The following PXDC1 variants were observed in gnomAD, a reference collection of about 807,000 sequenced individuals.
PXDC1 encodes PX domain-containing protein 1.
In PXDC1, 13 loss-of-function variants were observed where a neutral mutation model predicts 24.4. The observed-to-expected ratio is 0.53, with a 90% CI of 0.35 to 0.85. PXDC1 has a LOEUF of 0.85. PXDC1 is among the 40% of genes least tolerant of loss of function. PXDC1 has a pLI of 0.01. For missense variants in PXDC1, 344 were observed against 309.3 expected (o/e 1.11, Z -0.84); for synonymous variants, 162 against 124.9 (o/e 1.30, Z -1.98).
At chr6:3,739,320 G>A (rs927196143) in intron 1 of PXDC1, among the ~76,000 whole-genome samples, 3 of 152,234 alleles carry the variant, frequency 2.0e-5, no homozygotes, top group African/African-American at 7.2e-5. Flanking sequence ...CATAACGGGG[G>A]TCAGTGGGGA....
At chr6:3,726,722 T>C (rs140370578) in intron 4 of PXDC1, among the ~76,000 whole-genome samples, 1 of 152,306 alleles carries the variant, frequency 6.6e-6, no homozygotes, top group Non-Finnish European at 1.5e-5. Flanking sequence ...AGCAAATGCG[T>C]GGGGCAAGAC....
At chr6:3,723,929 G>A (rs941045293) in intron 4 of PXDC1, among the ~76,000 whole-genome samples, 193 bp from the exon 5 acceptor site, 1 of 152,238 alleles carries the variant, frequency 6.6e-6, no homozygotes, top group Non-Finnish European at 1.5e-5. Flanking sequence ...CTTGGAGACT[G>A]CTGTCTGCAT....
At chr6:3,748,122 C>G (rs975542345) in intron 1 of PXDC1, among the ~76,000 whole-genome samples, 1 of 151,992 alleles carries the variant, frequency 6.6e-6, no homozygotes. Flanking sequence ...TTCCTAGATG[C>G]GAGAGATGTA....
Position 3,725,451 on chromosome 6 carries a change from A to G in PXDC1, c.579-1715T>C, listed in dbSNP as rs1760041874. The stretch of plus-strand genomic sequence containing the variant: ...AGAAGTCCCCACTGGCCCCATCTCT[A>G]TCAGATACATCCATTCCCTGAGTGC... On this transcript the variant is annotated intron_variant, in intron 4 of 4. Coordinates refer to ENST00000380283, the MANE Select transcript of PXDC1 (RefSeq NM_183373.4). The surrounding 1 kb of genome is among the most constrained non-coding windows in gnomAD (Gnocchi z 4.8). Among the ~76,000 whole-genome samples the G allele has an allele frequency of 6.6e-6, 1 of 152,174 alleles. No individual in the cohort carries two copies. The highest frequency in any genetic ancestry group is 2.4e-5 in the African/African-American group (1 of 41,448).
intron 4 of PXDC1, 122 bp from the exon 5 acceptor site, chr6:3,723,858 A>G (rs1759997001): frequency 1.4e-6 from 1 of 724,394 alleles, no homozygotes; most frequent in East Asian, 2.6e-5. Flanking sequence ...AACCACGGCT[A>G]CAAATGAACT....
chr6:3,730,170 A>G (rs17137008), intron 3 of PXDC1, among the ~76,000 whole-genome samples: 15,284 of 152,124 alleles, frequency 0.1, 1,098 homozygotes, highest in African/African-American at 0.2. Flanking sequence ...TTAGACTCTC[A>G]CATTTCACTA....
intron 1 of PXDC1, among the ~76,000 whole-genome samples, chr6:3,747,786 G>A (rs1371374224): frequency 6.6e-6 from 1 of 152,128 alleles, no homozygotes; most frequent in Non-Finnish European, 1.5e-5. Context: ...GTTACTATTG[G>A]ATTTCTCCCA....
rs1365761074 is a variant in PXDC1, at chr6:3,739,127, G to A, written c.257-979C>T. The A allele has an allele frequency of 5.1e-6, 6 of 1,171,706 alleles. No homozygotes were observed. The South Asian group carries it at 8.5e-5, about 17-fold the overall frequency. The allele number at this position is 1,171,706 out of a possible 1,614,324, so 72.6% of individuals were successfully genotyped here. A position where few individuals can be genotyped will look rare whatever the true frequency, so the allele number is the denominator to read the frequency against. ...TCTGATTTTGTTTTGCAGGGGAAAAGCCTGTTCAGTTTTCAAGCAATTCGT... is the reference window on the plus strand; with the variant it reads ...TCTGATTTTGTTTTGCAGGGGAAAAACCTGTTCAGTTTTCAAGCAATTCGT... On this transcript the variant is annotated intron_variant, in intron 1 of 4. Coordinates refer to ENST00000380283, the MANE Select transcript of PXDC1 (RefSeq NM_183373.4).
chr6:3,751,369 G>C lies in PXDC1; in HGVS notation c.163C>G (p.Arg55Gly). ...WSDRSVLYLH[R>G]SLADLGRLWQ... ...AGGCGGCCCAGGTCCGCCAGGCTGC[G>C]GTGCAGGTAGAGCACGCTGCGGTCC... The change falls in exon 1 of 5, where the codon CGC becomes GGC. Residue 55 changes from arginine (R) to glycine (G), a missense_variant. Transcript: ENST00000380283. 1 of 1,562,028 alleles carries C rather than the reference G, an allele frequency of 6.4e-7. No individual in the cohort carries two copies.
intron 3 of PXDC1, among the ~76,000 whole-genome samples, chr6:3,736,737 G>C (rs7762522): frequency 6.6e-6 from 1 of 152,222 alleles, no homozygotes; most frequent in Non-Finnish European, 1.5e-5. Context: ...TCAATGCCAC[G>C]TGACATGGGC....
At chr6:3,726,705 G>C (rs1760076309) in intron 4 of PXDC1, among the ~76,000 whole-genome samples, 1 of 152,244 alleles carries the variant, frequency 6.6e-6, no homozygotes, top group Admixed American at 6.5e-5. Flanking sequence ...TGCTGCTATG[G>C]AGGGCTAGCA....
At chr6:3,749,803 T>C (rs3887835) in intron 1 of PXDC1, among the ~76,000 whole-genome samples, 1 of 152,128 alleles carries the variant, frequency 6.6e-6, no homozygotes, top group African/African-American at 2.4e-5. Context: ...CCAGCCTGCC[T>C]GGGGTCACGG....
intron 1 of PXDC1, among the ~76,000 whole-genome samples, chr6:3,750,697 G>A (rs1224665198): frequency 6.6e-6 from 1 of 152,156 alleles, no homozygotes; most frequent in Non-Finnish European, 1.5e-5. Flanking sequence ...GGGTGCGGGG[G>A]GGCCCTGGCT....
Position 3,724,027 on chromosome 6 carries a change from C to T in PXDC1, c.579-291G>A, listed in dbSNP as rs147963146. On this transcript the variant is annotated intron_variant, in intron 4 of 4. Coordinates refer to ENST00000380283, the MANE Select transcript of PXDC1 (RefSeq NM_183373.4). This position sits in a 1 kb window ranked among gnomAD's most constrained non-coding sequence, Gnocchi z 4.5. Reference sequence around the variant, plus strand: ...ACCTCTTGTTCTGTGCCCAGCACCGCGTCAGGCTGTGGGATCAGCAGTGAA... The same window carrying T: ...ACCTCTTGTTCTGTGCCCAGCACCGTGTCAGGCTGTGGGATCAGCAGTGAA... Among the ~76,000 whole-genome samples the T allele has an allele frequency of 4.6e-5, 7 of 152,310 alleles. No homozygotes were observed. The highest frequency in any genetic ancestry group is 2.1e-4 in the South Asian group (1 of 4,830).
intron 3 of PXDC1, 85 bp from the exon 4 acceptor site, chr6:3,727,747 C>A: frequency 1.2e-6 from 1 of 832,696 alleles, no homozygotes. Context: ...CATCTCCCTG[C>A]TTTCTCCTCC....
In PXDC1 at chr6:3,727,556, C is replaced by G. The variant is rs773829554; in HGVS notation, c.573G>C (p.Glu191Asp). The change falls in exon 4 of 5, where the codon GAG (glutamate) becomes GAC (aspartate). Residue 191 changes from glutamate (E) to aspartate (D), a missense_variant. Transcript: ENST00000380283. The stretch of plus-strand genomic sequence containing the variant: ...ATTCAAATCAGCATACTTACAAATG[C>G]TCTGTTGGGTCCACGCCCAGCTGCT... ...RDQQLGVDPT[E>D]HLFENGSEFP... 3 of 1,596,760 alleles carry G rather than the reference C, an allele frequency of 1.9e-6. No individual in the cohort carries two copies. The highest frequency in any genetic ancestry group is 2.6e-6 in the Non-Finnish European group (3 of 1,164,290).
Position 3,725,822 on chromosome 6 carries a change from G to A in PXDC1, c.578+1729C>T, listed in dbSNP as rs1469355715. Among the ~76,000 whole-genome samples, 1 of 152,220 alleles carries A rather than the reference G, an allele frequency of 6.6e-6. No individual in the cohort carries two copies. The highest frequency in any genetic ancestry group is 2.4e-5 in the African/African-American group (1 of 41,458). On this transcript the variant is annotated intron_variant, in intron 4 of 4. Coordinates refer to ENST00000380283, the MANE Select transcript of PXDC1 (RefSeq NM_183373.4). This position sits in a 1 kb window ranked among gnomAD's most constrained non-coding sequence, Gnocchi z 4.8. ...CCAGAGAAAGGCCCGGCAAGCCCAA[G>A]TCGGAACTCCCTCCAGATGCTCCCG...
At position 3,737,942 on chromosome 6, in the gene PXDC1, G is replaced by T; in HGVS notation, c.348+115C>A. On this transcript the variant is annotated intron_variant, in intron 2 of 4. Transcript: ENST00000380283. The surrounding 1 kb of genome is among the most constrained non-coding windows in gnomAD (Gnocchi z 5.5). The stretch of plus-strand genomic sequence containing the variant: ...GTACTACCAGGGAGGGAACAAAACG[G>T]CTAAGTGAGACAGAGCAAGCAAGTC... 1 of 884,766 alleles carries T rather than the reference G, an allele frequency of 1.1e-6. No individual in the cohort carries two copies. The highest frequency in any genetic ancestry group is 1.5e-5 in the South Asian group (1 of 65,632). The allele number at this position is 884,766 out of a possible 1,614,324, so 54.8% of individuals were successfully genotyped here.
At position 3,731,500 on chromosome 6, in the gene PXDC1, G is replaced by A. The variant is rs1172071707; in HGVS notation, c.467-3838C>T. 2.6e-5 allele frequency among the ~76,000 whole-genome samples: 4 copies of A among 152,182 alleles called. No individual in the cohort carries two copies. In the East Asian group the frequency reaches 7.7e-4, roughly 29 times the overall value. On this transcript the variant is annotated intron_variant, in intron 3 of 4. Coordinates refer to ENST00000380283, the MANE Select transcript of PXDC1 (RefSeq NM_183373.4). ...ATTCCATGAAATAGTTGACTTTCAA[G>A]CTATTTTTTTACACTCATATTTTTC... is the stretch of plus-strand genomic sequence containing the variant.
Sources: gnomAD v4.1 joint callset for allele counts (sites outside exome capture counted in the v4.1 genomes callset) on GRCh38, gnomAD v4.1.1 for gene constraint, Gnocchi (gnomAD v3.1) non-coding constraint, MANE v1.5 for transcripts, NCBI Gene and HGNC (gene_info 2026-07-23, HGNC 2026-07-21) for gene names.